The following FGF14 variants were observed in gnomAD, a reference collection of about 807,000 sequenced individuals.
FGF14 encodes the protein fibroblast growth factor homologous factor 4.
In FGF14, 5 loss-of-function variants were observed where a neutral mutation model predicts 25.5. The observed-to-expected ratio is 0.20, with a 90% CI of 0.10 to 0.41. The LOEUF (loss-of-function observed/expected upper bound fraction) is 0.41, where lower values mean the gene tolerates loss of function less well. FGF14 is among the 10% of genes least tolerant of loss of function. The probability of loss-of-function intolerance (pLI) is 1.00; values close to 1 mark genes in which losing one functional copy is unlikely to be tolerated. For missense variants in FGF14, 222 were observed against 320.1 expected (o/e 0.69, Z 2.34); for synonymous variants, 138 against 118.3 (o/e 1.17, Z -1.08).
intron 1 of FGF14, among the ~76,000 whole-genome samples, chr13:102,116,190 A>T (rs1288272618): frequency 6.6e-6 from 1 of 152,212 alleles, no homozygotes; most frequent in Non-Finnish European, 1.5e-5. Context: ...ATAATAATTT[A>T]AAAAAGGAAA....
chr13:102,166,626 C>T (rs1594245975), intron 1 of FGF14, among the ~76,000 whole-genome samples: 1 of 152,256 alleles, frequency 6.6e-6, no homozygotes, highest in South Asian at 2.1e-4. Flanking sequence ...TCTGCCATTT[C>T]TAAGTGCAAC....
chr13:102,146,384 A>G (rs1480076837), intron 1 of FGF14, among the ~76,000 whole-genome samples: 1 of 152,176 alleles, frequency 6.6e-6, no homozygotes, highest in African/African-American at 2.4e-5. Context: ...CAATGTCATT[A>G]GCTCATGGGT....
At chr13:101,782,425 T>C (rs2039554953) in intron 3 of FGF14, among the ~76,000 whole-genome samples, 2 of 152,202 alleles carry the variant, frequency 1.3e-5, no homozygotes, top group Admixed American at 1.3e-4. Flanking sequence ...ATGTGCAGGT[T>C]TGTTACATAG....
chr13:101,939,823 T>A (rs572120009), intron 1 of FGF14, among the ~76,000 whole-genome samples: 73 of 152,192 alleles, frequency 4.8e-4, no homozygotes, highest in Non-Finnish European at 4.4e-5. Context: ...CCACCTCATA[T>A]TAAATAAAAA....
intron 2 of FGF14, among the ~76,000 whole-genome samples, chr13:101,869,744 G>A (rs2044943090): frequency 6.6e-6 from 1 of 152,216 alleles, no homozygotes; most frequent in South Asian, 2.1e-4. Context: ...CTAAAATAGT[G>A]ATGTAAGTGT....
upstream of FGF14, among the ~76,000 whole-genome samples, chr13:101,918,850 G>T (rs916137300): frequency 6.6e-6 from 1 of 152,192 alleles, no homozygotes; most frequent in Non-Finnish European, 1.5e-5. Context: ...ACTTCTGGAA[G>T]TTTATTTTCT....
At chr13:101,858,170 C>A (rs1472477657) in intron 3 of FGF14, among the ~76,000 whole-genome samples, 1 of 150,814 alleles carries the variant, frequency 6.6e-6, no homozygotes, top group Non-Finnish European at 1.5e-5. Flanking sequence ...TCTCACAGTG[C>A]CTGACAGGTA....
At chr13:101,987,796 A>G (rs2038673796) in intron 1 of FGF14, among the ~76,000 whole-genome samples, 1 of 152,052 alleles carries the variant, frequency 6.6e-6, no homozygotes, top group African/African-American at 2.4e-5. Context: ...TATTAGTCTT[A>G]AGGAAAATTC....
intron 1 of FGF14, among the ~76,000 whole-genome samples, chr13:101,934,260 A>T (rs2034956779): frequency 6.6e-6 from 1 of 152,228 alleles, no homozygotes; most frequent in East Asian, 1.9e-4. Flanking sequence ...ATATTCGTAC[A>T]TTTTAGTACT....
intron 1 of FGF14, among the ~76,000 whole-genome samples, chr13:102,176,496 G>A (rs78936505): frequency 0.053 from 8,046 of 152,074 alleles, 248 homozygotes; most frequent in Middle Eastern, 0.17. Context: ...TGGTAGGTTC[G>A]CTAGAAGCAC....
At chr13:101,975,901 A>G (rs1346233629) in intron 1 of FGF14, among the ~76,000 whole-genome samples, 1 of 152,236 alleles carries the variant, frequency 6.6e-6, no homozygotes, top group Non-Finnish European at 1.5e-5. Context: ...AAATATATTC[A>G]TATCAATAGC....
intron 3 of FGF14, among the ~76,000 whole-genome samples, chr13:101,779,958 A>T (rs992466081): frequency 6.6e-6 from 1 of 152,122 alleles, no homozygotes; most frequent in Non-Finnish European, 1.5e-5. Flanking sequence ...CATGCCTTGA[A>T]AAACCTCCCT....
intron 3 of FGF14, among the ~76,000 whole-genome samples, chr13:101,814,293 G>A (rs1472009892): frequency 6.6e-6 from 1 of 152,102 alleles, no homozygotes; most frequent in African/African-American, 2.4e-5. Flanking sequence ...GAACACTGGA[G>A]CTGAAAAAAA....
intron 1 of FGF14, among the ~76,000 whole-genome samples, chr13:102,390,729 G>GA (rs2058412593): frequency 6.6e-6 from 1 of 152,170 alleles, no homozygotes; most frequent in African/African-American, 2.4e-5. Context: ...ATTCTCTAAA[G>GA]ATTAGTTGTT....
chr13:102,262,988 T>A, intron 1 of FGF14: 2 of 507,436 alleles, frequency 3.9e-6, no homozygotes, highest in Non-Finnish European at 7.1e-6. Flanking sequence ...TATGGTAACA[T>A]GATTGTGACC....
chr13:101,932,827 A>G (rs1317645258), intron 1 of FGF14, among the ~76,000 whole-genome samples: 8 of 151,550 alleles, frequency 5.3e-5, no homozygotes, highest in Non-Finnish European at 5.9e-5. Flanking sequence ...ATCCCAGGCC[A>G]AGATATATTT....
chr13:101,976,060 T>C (rs2037904141), intron 1 of FGF14, among the ~76,000 whole-genome samples: 1 of 152,178 alleles, frequency 6.6e-6, no homozygotes, highest in Non-Finnish European at 1.5e-5. Flanking sequence ...TGAAAATGTT[T>C]CATTTATTAA....
At chr13:102,161,611 AAGAAGAAGAAGAAGAAG>A (rs2047688130) in intron 1 of FGF14, among the ~76,000 whole-genome samples, 3 of 4,430 alleles carry the variant, frequency 6.8e-4, no homozygotes, top group Non-Finnish European at 6.7e-4. Context: ...GAAGAAGAAG[AAGAAGAAGAAGAAGAAG>A]AAGAAGAAGA....
chr13:101,740,081 A>G (rs898973173), intron 3 of FGF14, among the ~76,000 whole-genome samples: 2 of 152,218 alleles, frequency 1.3e-5, no homozygotes, highest in African/African-American at 4.8e-5. Context: ...TTGCTCAATC[A>G]ATCACAACCC....
Sources: gnomAD v4.1 joint callset for allele counts (sites outside exome capture counted in the v4.1 genomes callset) on GRCh38, gnomAD v4.1.1 for gene constraint, MANE v1.5 for transcripts, NCBI Gene and HGNC (gene_info 2026-07-23, HGNC 2026-07-21) for gene names.